HIVEP3: variants seen among roughly 807,000 people sequenced by gnomAD.
HIVEP3 encodes the protein transcription factor HIVEP3.
A neutral mutation model predicts 152.8 loss-of-function variants in HIVEP3; 49 were observed. That is an observed-to-expected ratio of 0.32 (90% CI 0.26 to 0.41). HIVEP3 has a LOEUF of 0.41. Among genes scored for constraint, HIVEP3 ranks in the 10% least tolerant of loss-of-function variants. The probability of loss-of-function intolerance (pLI) is 1.00; values close to 1 mark genes in which losing one functional copy is unlikely to be tolerated. For missense variants in HIVEP3, 2,790 were observed against 3,103.3 expected (o/e 0.90, Z 2.40); for synonymous variants, 1,269 against 1,289.0 (o/e 0.98, Z 0.33).
At chr1:41,555,453 G>A (rs1054199564) in intron 5 of HIVEP3, among the ~76,000 whole-genome samples, 65 of 152,282 alleles carry the variant, frequency 4.3e-4, no homozygotes, top group African/African-American at 1.4e-3. Context: ...TGCACTTCCC[G>A]GGTGAGGCGA....
chr1:41,542,399 AC>A (rs201330374), intron 5 of HIVEP3: 3 of 155,164 alleles, frequency 1.9e-5, no homozygotes, highest in South Asian at 1.8e-4. Context: ...ACTTCCCAGG[AC>A]CCCCCCGCTG....
intron 1 of HIVEP3, among the ~76,000 whole-genome samples, chr1:41,721,361 G>A (rs1395306206): frequency 6.6e-6 from 1 of 151,974 alleles, no homozygotes; most frequent in African/African-American, 2.4e-5. Context: ...GCATGCCACC[G>A]CGCTCGACTA....
At chr1:41,773,347 G>A (rs1648494610) in intron 1 of HIVEP3, among the ~76,000 whole-genome samples, 1 of 152,202 alleles carries the variant, frequency 6.6e-6, no homozygotes, top group Non-Finnish European at 1.5e-5. Flanking sequence ...CTCATCTGCA[G>A]GAATGTGAAT....
chr1:41,782,224 T>C (rs952543055), intron 1 of HIVEP3, among the ~76,000 whole-genome samples: 1 of 152,206 alleles, frequency 6.6e-6, no homozygotes, highest in Non-Finnish European at 1.5e-5. Context: ...GGACAAATAC[T>C]GTATAACTCC....
Position 41,758,038 on chromosome 1 carries a change from T to C in HIVEP3, c.-800-57043A>G, listed in dbSNP as rs761860893. Among the ~76,000 whole-genome samples, 45 of 152,206 alleles carry C rather than the reference T, an allele frequency of 3.0e-4. 1 individual carries two copies. Among genetic ancestry groups the C allele is most frequent in the Non-Finnish European group, 4.4e-5 (3 of 68,038 alleles). ...ACTTTCTACTTTTTAATAACAATTA[T>C]ATATTCTTTATGGAATATATATTTT... On this transcript the variant is annotated intron_variant, in intron 1 of 8. Coordinates refer to ENST00000372583, the MANE Select transcript of HIVEP3 (RefSeq NM_024503.5).
chr1:41,913,335 G>C (rs1343436496), intron 1 of HIVEP3, among the ~76,000 whole-genome samples: 1 of 152,192 alleles, frequency 6.6e-6, no homozygotes, highest in Admixed American at 6.5e-5. Flanking sequence ...AATTTTGATG[G>C]AGGAGGATTT....
chr1:41,706,982 G>C (rs1411315941), intron 1 of HIVEP3, among the ~76,000 whole-genome samples: 1 of 152,202 alleles, frequency 6.6e-6, no homozygotes, highest in Non-Finnish European at 1.5e-5. Flanking sequence ...CTAGAAAAAA[G>C]CATCATCATA....
intron 1 of HIVEP3, among the ~76,000 whole-genome samples, chr1:41,735,912 G>A (rs1320002081): frequency 6.6e-6 from 1 of 152,138 alleles, no homozygotes; most frequent in Non-Finnish European, 1.5e-5. Context: ...TGGGGGCTCT[G>A]GGGGAAGAAG....
chr1:41,893,725 T>C (rs1372756948), intron 1 of HIVEP3, among the ~76,000 whole-genome samples: 1 of 149,610 alleles, frequency 6.7e-6, no homozygotes, highest in Non-Finnish European at 1.5e-5. Flanking sequence ...TTTGTGTGTG[T>C]GTATATAGAT....
intron 1 of HIVEP3, among the ~76,000 whole-genome samples, chr1:41,817,714 C>T (rs1642453110): frequency 6.6e-6 from 1 of 152,194 alleles, no homozygotes; most frequent in East Asian, 1.9e-4. Flanking sequence ...CCAACAGCTC[C>T]AGAAAAGGTC....
At chr1:41,770,163 T>C (rs1027094713) in intron 1 of HIVEP3, among the ~76,000 whole-genome samples, 4 of 151,814 alleles carry the variant, frequency 2.6e-5, no homozygotes, top group Admixed American at 6.6e-5. Context: ...TTAGTAGAGA[T>C]GGGGTTTCAC....
chr1:41,727,191 T>C (rs1646765608), intron 1 of HIVEP3, among the ~76,000 whole-genome samples: 1 of 152,204 alleles, frequency 6.6e-6, no homozygotes, highest in Admixed American at 6.5e-5. Flanking sequence ...GTCATCTCCT[T>C]CTCTCCTCAC....
At chr1:41,923,830 A>G (rs2124476393), upstream of HIVEP3, among the ~76,000 whole-genome samples, 1 of 152,308 alleles carries the variant, frequency 6.6e-6, no homozygotes. Flanking sequence ...ATTTTCACAT[A>G]CACAAAAATT....
intron 5 of HIVEP3, chr1:41,543,676 G>A (rs1041763237): frequency 1.3e-5 from 2 of 152,274 alleles, no homozygotes; most frequent in Admixed American, 6.5e-5. Context: ...TTGAGACTGG[G>A]GCTAGACCCT....
rs138319150 is a variant in HIVEP3, at chr1:41,925,484, G to A, written n.120-6960C>T. Among the ~76,000 whole-genome samples the A allele has an allele frequency of 4.6e-5, 7 of 152,250 alleles. No individual in the cohort carries two copies. In the East Asian group the frequency reaches 1.2e-3, roughly 25 times the overall value. ...TTAAGTGGAAGTGAATCATCATAAA[G>A]GTCTTCATCCTTGTGGTCTTCACAT... On this transcript the variant is annotated intron_variant and non_coding_transcript_variant, in intron 1 of 3. Transcript: ENST00000489103.
chr1:41,808,266 C>T lies in HIVEP3; in HGVS notation c.-800-107271G>A, dbSNP rs114969678. On this transcript the variant is annotated intron_variant, in intron 1 of 8. Transcript: ENST00000372583. ...TCCAGAGGGCATGCTCTCCTGACCA[C>T]TCAGCTGGGTTGCCCCAAAGACCAC... 4.8e-3 allele frequency among the ~76,000 whole-genome samples: 737 copies of T among 152,372 alleles called. 6 individuals carry two copies. Among genetic ancestry groups the T allele is most frequent in the African/African-American group, 0.017 (706 of 41,590 alleles).
At chr1:41,762,990 G>A (rs1159138634) in intron 1 of HIVEP3, among the ~76,000 whole-genome samples, 1 of 152,184 alleles carries the variant, frequency 6.6e-6, no homozygotes, top group Non-Finnish European at 1.5e-5. Context: ...TGAGCCTGCA[G>A]GCCTGCCAAG....
chr1:41,965,384 T>C (rs1431752828), intron 1 of HIVEP3, among the ~76,000 whole-genome samples: 6 of 152,116 alleles, frequency 3.9e-5, no homozygotes, highest in South Asian at 2.1e-4. Context: ...CTGAGATGGA[T>C]GAACTGACAG....
intron 5 of HIVEP3, chr1:41,543,752 T>A: frequency 6.6e-6 from 1 of 152,376 alleles, no homozygotes; most frequent in African/African-American, 2.4e-5. Context: ...AAGATCAGAA[T>A]AGGGAAATGA....
Sources: gnomAD v4.1 joint callset for allele counts (sites outside exome capture counted in the v4.1 genomes callset) on GRCh38, gnomAD v4.1.1 for gene constraint, MANE v1.5 for transcripts, NCBI Gene and HGNC (gene_info 2026-07-23, HGNC 2026-07-21) for gene names.